DEPDC5: variants seen among roughly 807,000 people sequenced by gnomAD.
DEPDC5 encodes the protein GATOR1 complex protein DEPDC5.
Under a neutral mutation model 217.3 loss-of-function variants are expected in DEPDC5, and 73 were observed. The observed-to-expected ratio is 0.34, with a 90% CI of 0.28 to 0.41. The LOEUF (loss-of-function observed/expected upper bound fraction) is 0.41, where lower values mean the gene tolerates loss of function less well. Among genes scored for constraint, DEPDC5 ranks in the 10% least tolerant of loss-of-function variants. DEPDC5 has a pLI of 1.00. For missense variants in DEPDC5, 1,675 were observed against 2,070.1 expected, an observed-to-expected ratio of 0.81 and a Z score of 3.70; for synonymous variants, 733 against 756.7, an observed-to-expected ratio of 0.97 and a Z score of 0.51.
chr22:31,883,268 G>C (rs1321172712), intron 38 of DEPDC5, among the ~76,000 whole-genome samples: 1 of 152,170 alleles, frequency 6.6e-6, no homozygotes, highest in South Asian at 2.1e-4. Flanking sequence ...AGCAAAACCT[G>C]AGAGGCTTTG....
Position 31,876,192 on chromosome 22 carries a change from T to A in DEPDC5, c.3732T>A (p.Ser1244=), listed in dbSNP as rs375825436. 3.7e-6 allele frequency: 6 copies of A among 1,614,034 alleles called. No homozygotes were observed. The highest frequency in any genetic ancestry group is 5.1e-6 in the Non-Finnish European group (6 of 1,180,042). ...MLEEQLITHA[S]GEAWRTFIYG... ...AAGAGCAGCTCATCACACATGCATC[T>A]GGCGAAGCCTGGCGGACCTTCATCT... The change falls in exon 37 of 43, where the codon TCT becomes TCA. Residue 1244 remains serine, a synonymous_variant. Coordinates refer to ENST00000651528, the MANE Select transcript of DEPDC5 (RefSeq NM_001242896.3).
intron 38 of DEPDC5, among the ~76,000 whole-genome samples, chr22:31,889,256 C>T (rs1192428124): frequency 6.6e-6 from 1 of 152,224 alleles, no homozygotes; most frequent in East Asian, 1.9e-4. Context: ...GAAAGCTGAA[C>T]TCAGCTGGTC....
chr22:31,754,871 A>T lies in DEPDC5; in HGVS notation c.-51A>T, dbSNP rs761152121. On this transcript the variant is annotated 5_prime_UTR_variant, in exon 2 of 43. An upstream start codon of the reference 5' UTR is lost. Transcript: ENST00000651528. Reference sequence around the variant, plus strand: ...TGTATTTCTGTGGCAGGGAGGCAAGATGACTTCTCTGCCCCAAGCTTGGAA... The same window carrying T: ...TGTATTTCTGTGGCAGGGAGGCAAGTTGACTTCTCTGCCCCAAGCTTGGAA... 5 of 1,602,090 alleles carry T rather than the reference A, an allele frequency of 3.1e-6. No homozygotes were observed. The highest frequency in any genetic ancestry group is 2.7e-5 in the African/African-American group (2 of 74,574).
At chr22:31,759,240 G>A (rs1469603025) in intron 3 of DEPDC5, among the ~76,000 whole-genome samples, 1 of 151,488 alleles carries the variant, frequency 6.6e-6, no homozygotes, top group African/African-American at 2.4e-5. Context: ...CCTAATTTTT[G>A]TGTTTTTTAG....
At chr22:31,868,189 T>G (rs2092740041) in intron 33 of DEPDC5, among the ~76,000 whole-genome samples, 1 of 152,024 alleles carries the variant, frequency 6.6e-6, no homozygotes, top group Non-Finnish European at 1.5e-5. Flanking sequence ...AGCAAAATGG[T>G]TCTATGAGAA....
intron 38 of DEPDC5, among the ~76,000 whole-genome samples, chr22:31,880,858 A>G (rs2093153873): frequency 6.6e-6 from 1 of 151,644 alleles, no homozygotes. Flanking sequence ...CCCCATCTCT[A>G]CTAAAAATAC....
intron 33 of DEPDC5, among the ~76,000 whole-genome samples, chr22:31,865,026 A>G (rs1172290463): frequency 2.1e-5 from 3 of 141,274 alleles, no homozygotes; most frequent in Non-Finnish European, 4.4e-5. Context: ...GGGTTTTGCT[A>G]TGTTGGCCAC....
intron 7 of DEPDC5, among the ~76,000 whole-genome samples, chr22:31,770,395 T>G (rs1489263345): frequency 6.6e-6 from 1 of 151,864 alleles, no homozygotes; most frequent in Non-Finnish European, 1.5e-5. Context: ...GTTTTTTTTT[T>G]TCTGAGACAG....
intron 1 of DEPDC5, among the ~76,000 whole-genome samples, 153 bp downstream of exon 1, chr22:31,754,317 A>C (rs973931891): frequency 6.6e-6 from 1 of 152,240 alleles, no homozygotes; most frequent in Non-Finnish European, 1.5e-5. Context: ...CTCAGCTGTG[A>C]AACGGAGTCA....
rs1055335594 is a variant in DEPDC5 at position 31,864,510 on chromosome 22, ATATATATATATATATT to A, written c.3330+3085_3330+3100del. Among the ~76,000 whole-genome samples, 20 of 138,950 alleles carry A rather than the reference ATATATATATATATATT, an allele frequency of 1.4e-4. 1 individual carries two copies. The highest frequency in any genetic ancestry group is 2.2e-4 in the Admixed American group (3 of 13,504). The allele number at this position is 138,950 out of a possible 152,430, so 91.2% of individuals were successfully genotyped here. A position where few individuals can be genotyped will look rare whatever the true frequency, so the allele number is the denominator to read the frequency against. On this transcript the variant is annotated intron_variant, in intron 33 of 42. Coordinates refer to ENST00000651528, the MANE Select transcript of DEPDC5 (RefSeq NM_001242896.3). ...CCTGTTTCTTCATTAAAATATATAT[ATATATATATATATATT>A]TATATATTTATTTATTTACTGTGTG...
At chr22:31,841,855 T>C (rs78788173) in intron 27 of DEPDC5, among the ~76,000 whole-genome samples, 5,583 of 152,308 alleles carry the variant, frequency 0.037, 160 homozygotes, top group African/African-American at 0.08. Flanking sequence ...CCTGAATTAG[T>C]CTTAGGTTCC....
At chr22:31,897,312 A>G (rs1022615315) in intron 39 of DEPDC5, among the ~76,000 whole-genome samples, 170 bp from the exon 40 acceptor site, 3 of 152,218 alleles carry the variant, frequency 2.0e-5, no homozygotes, top group Non-Finnish European at 4.4e-5. Context: ...CAGGATGTTA[A>G]ACTGCATTTT....
intron 34 of DEPDC5, among the ~76,000 whole-genome samples, chr22:31,871,820 A>G (rs2092852488): frequency 6.6e-6 from 1 of 152,224 alleles, no homozygotes; most frequent in South Asian, 2.1e-4. Context: ...ATTCTATTTC[A>G]TGATGAAGAA....
At chr22:31,776,040 CAAAA>C (rs753480175) in intron 7 of DEPDC5, among the ~76,000 whole-genome samples, 2 of 46,972 alleles carry the variant, frequency 4.3e-5, no homozygotes, top group Non-Finnish European at 8.8e-5. Context: ...GACTACATCT[CAAAA>C]AAAAAAAAAA....
At chr22:31,783,252 A>C (rs5998127) in intron 8 of DEPDC5, among the ~76,000 whole-genome samples, 73 of 152,254 alleles carry the variant, frequency 4.8e-4, no homozygotes, top group African/African-American at 1.7e-3. Flanking sequence ...GTCCCCTTCC[A>C]CATGGAAGCC....
chr22:31,876,958 A>G (rs2093009083), intron 37 of DEPDC5, among the ~76,000 whole-genome samples: 2 of 151,716 alleles, frequency 1.3e-5, no homozygotes, highest in Admixed American at 6.6e-5. Context: ...CTCAAGACCA[A>G]CATTGGGAAA....
At chr22:31,857,354 C>A in intron 31 of DEPDC5, 91 bp from the exon 32 acceptor site, 1 of 1,050,018 alleles carries the variant, frequency 9.5e-7, no homozygotes, top group Non-Finnish European at 1.4e-6. Flanking sequence ...TCAAAGATGA[C>A]AGCAACAGAG....
intron 7 of DEPDC5, among the ~76,000 whole-genome samples, chr22:31,770,852 T>G (rs892420455): frequency 1.3e-5 from 2 of 149,196 alleles, no homozygotes; most frequent in Admixed American, 1.4e-4. Flanking sequence ...AGTGCAGTGG[T>G]GTGATCTTGT....
At position 31,804,152 on chromosome 22, in the gene DEPDC5, C is replaced by CT. The variant is rs766994249; in HGVS notation, c.1082-3dup. 6 of 1,613,658 alleles carry CT rather than the reference C, an allele frequency of 3.7e-6. No individual in the cohort carries two copies. The African/African-American group carries it at 6.7e-5, about 18-fold the overall frequency. On this transcript the variant is annotated splice_polypyrimidine_tract_variant and intron_variant, in intron 15 of 42. Coordinates refer to ENST00000651528, the MANE Select transcript of DEPDC5 (RefSeq NM_001242896.3). ...CTCCCCACAATTCTTTTTGTCTTTTCTTTTTTTAGGAATTGGTGTGGATTT... is the reference window on the plus strand; with the variant it reads ...CTCCCCACAATTCTTTTTGTCTTTTCTTTTTTTTAGGAATTGGTGTGGATTT...
Sources: gnomAD v4.1 joint callset for allele counts (sites outside exome capture counted in the v4.1 genomes callset) on GRCh38, gnomAD v4.1.1 for gene constraint, MANE v1.5 for transcripts, NCBI Gene and HGNC (gene_info 2026-07-23, HGNC 2026-07-21) for gene names.